ZNF606: variants seen among roughly 807,000 people sequenced by gnomAD.
The protein encoded by ZNF606 is zinc finger protein 606.
Under a neutral mutation model 74.9 loss-of-function variants are expected in ZNF606, and 37 were observed. The observed-to-expected ratio is 0.49, with a 90% CI of 0.38 to 0.65. ZNF606 has a LOEUF of 0.65. Among genes scored for constraint, ZNF606 ranks in the 30% least tolerant of loss-of-function variants. ZNF606 has a pLI of 0.00. For missense variants in ZNF606, 852 were observed against 952.9 expected (o/e 0.89, Z 1.39); for synonymous variants, 328 against 312.4 (o/e 1.05, Z -0.53).
chr19:58,000,726 G>T lies in ZNF606; in HGVS notation c.45C>A (p.Asp15Glu), dbSNP rs1338688167. ...NPWASWGALT[D>E]QSWGMTAVDP... ...CAACAGCTGTCATCCCCCAAGATTGGTCCGTAAGGGCACCTGCACAGAAGG... is the reference window on the plus strand; with the variant it reads ...CAACAGCTGTCATCCCCCAAGATTGTTCCGTAAGGGCACCTGCACAGAAGG... The change falls in exon 3 of 7, where the codon GAC (aspartate) becomes GAA (glutamate). Residue 15 changes from aspartate to glutamate, a missense_variant. Asp to Glu is a conservative substitution (Grantham distance 45). This residue lies in a region of ZNF606 where 545 missense variants were observed against 542.5 expected (regional missense o/e 1.00). Coordinates refer to ENST00000551380, the MANE Select transcript of ZNF606 (RefSeq NM_001348022.3). 1 of 1,593,886 alleles carries T rather than the reference G, an allele frequency of 6.3e-7. No individual in the cohort carries two copies. Among genetic ancestry groups the T allele is most frequent in the Non-Finnish European group, 8.6e-7 (1 of 1,168,680 alleles).
chr19:57,982,845 C>T (rs1001076716), intron 6 of ZNF606, among the ~76,000 whole-genome samples: 9 of 152,056 alleles, frequency 5.9e-5, no homozygotes, highest in African/African-American at 2.2e-4. Flanking sequence ...CAGGGTCCCG[C>T]CATGTTGCCC....
chr19:57,981,198 G>A (rs919318985), intron 6 of ZNF606, among the ~76,000 whole-genome samples: 8 of 152,070 alleles, frequency 5.3e-5, no homozygotes, highest in African/African-American at 1.5e-4. Context: ...TAGAAATTTC[G>A]CACGTGTTGT....
At chr19:58,001,806 T>C (rs1568586745) in intron 1 of ZNF606, among the ~76,000 whole-genome samples, 1 of 152,208 alleles carries the variant, frequency 6.6e-6, no homozygotes, top group Non-Finnish European at 1.5e-5. Context: ...TGGGGATGAT[T>C]GCACAACTTT....
chr19:57,980,162 C>T lies in ZNF606; in HGVS notation c.518G>A (p.Arg173Lys), dbSNP rs766978266. 6.2e-7 allele frequency: 1 copy of T among 1,614,158 alleles called. No individual in the cohort carries two copies. Among genetic ancestry groups the T allele is most frequent in the South Asian group, 1.1e-5 (1 of 91,088 alleles). ...RYIWDDPWFS[R>K]LEVLGCKDQL... ...GTCTTTACATCCCAAAACTTCTAACCTGGAGAACCAAGGATCATCCCATAT... is the reference window on the plus strand; with the variant it reads ...GTCTTTACATCCCAAAACTTCTAACTTGGAGAACCAAGGATCATCCCATAT... The change falls in exon 7 of 7, where the codon AGG (arginine) becomes AAG (lysine). Residue 173 changes from arginine to lysine, a missense_variant. Arg to Lys is a conservative substitution (Grantham distance 26, BLOSUM62 2). Coordinates refer to ENST00000551380, the MANE Select transcript of ZNF606 (RefSeq NM_001348022.3).
At chr19:57,980,303 A>G (rs376825765) in intron 6 of ZNF606, 24 bp from the exon 7 acceptor site, 16 of 1,575,486 alleles carry the variant, frequency 1.0e-5, no homozygotes, top group Non-Finnish European at 1.4e-5. Context: ...AAAAAAAGCT[A>G]TGAGAGCATA....
At chr19:58,002,224 G>C (rs1331039134) in intron 1 of ZNF606, 172 bp downstream of exon 1, 1 of 456,706 alleles carries the variant, frequency 2.2e-6, no homozygotes, top group African/African-American at 2.0e-5. Flanking sequence ...CCTTCACAGT[G>C]CTTTGTGTGA....
In ZNF606 at chr19:58,001,330, G is replaced by A. The variant is rs1189652576; in HGVS notation, c.-11C>T. On this transcript the variant is annotated 5_prime_UTR_variant, in exon 2 of 7. Transcript: ENST00000551380. The stretch of plus-strand genomic sequence containing the variant: ...GTTGATGGCTGCCATCCCGAGGACT[G>A]ATTGACCAGGCACCTGCCCAGGAAC... 1 of 1,614,144 alleles carries A rather than the reference G, an allele frequency of 6.2e-7. No individual in the cohort carries two copies. The highest frequency in any genetic ancestry group is 1.1e-5 in the South Asian group (1 of 91,078).
At chr19:58,000,859 G>A (rs10406352) in intron 2 of ZNF606, 120 bp from the exon 3 acceptor site, 126,451 of 928,550 alleles carry the variant, frequency 0.14, 9,239 homozygotes, top group African/African-American at 0.18. Flanking sequence ...GAGCCCAAGG[G>A]TGTGTAAAAA....
intron 6 of ZNF606, among the ~76,000 whole-genome samples, chr19:57,985,245 T>A (rs1237209382): frequency 6.6e-6 from 1 of 152,192 alleles, no homozygotes; most frequent in East Asian, 1.9e-4. Context: ...CCCGGTCCCA[T>A]CTCTGGCTCA....
chr19:57,978,259 A>G lies in ZNF606; in HGVS notation c.*42T>C, dbSNP rs1425443924. On this transcript the variant is annotated 3_prime_UTR_variant, in exon 7 of 7. Transcript: ENST00000551380. The surrounding 1 kb of genome is among the most constrained non-coding windows in gnomAD (Gnocchi z 4.4). The stretch of plus-strand genomic sequence containing the variant: ...GATTATGTTTATAGGGTTTTCCTCA[A>G]TGTGTTGTCAAATGTACAAGAAACG... 2 of 1,513,210 alleles carry G rather than the reference A, an allele frequency of 1.3e-6. No homozygotes were observed. 93.7% of individuals were successfully genotyped at this position (1,513,210 alleles called of 1,614,324 possible). A position where few individuals can be genotyped will look rare whatever the true frequency, so the allele number is the denominator to read the frequency against.
rs1333146275 is a variant in ZNF606 at position 57,988,433 on chromosome 19, C to T, written c.305-131G>A. On this transcript the variant is annotated intron_variant, in intron 5 of 6. Coordinates refer to ENST00000551380, the MANE Select transcript of ZNF606 (RefSeq NM_001348022.3). Reference sequence around the variant, plus strand: ...TATGCAAGGTCCTTCCCACTCCATGCTCTTTAAGCATTAGGAGTTTCATCC... The same window carrying T: ...TATGCAAGGTCCTTCCCACTCCATGTTCTTTAAGCATTAGGAGTTTCATCC... 20 of 1,372,618 alleles carry T rather than the reference C, an allele frequency of 1.5e-5. No homozygotes were observed. The Middle Eastern group carries it at 7.8e-4, about 53-fold the overall frequency. 85.0% of individuals were successfully genotyped at this position (1,372,618 alleles called of 1,614,324 possible).
rs369393362 is a variant in ZNF606 at position 57,978,555 on chromosome 19, T to G, written c.2125A>C (p.Arg709=). 8.7e-6 allele frequency: 14 copies of G among 1,614,176 alleles called. No homozygotes were observed. The African/African-American group carries it at 1.7e-4, about 20-fold the overall frequency. The change falls in exon 7 of 7, where the codon AGG becomes CGG. Residue 709 remains arginine (R), a synonymous_variant. Transcript: ENST00000551380. The surrounding 1 kb of genome is among the most constrained non-coding windows in gnomAD (Gnocchi z 4.4). ...RRTHTGEKPY[R]CNECGKAFNE... ...AATGCTTTCCCACATTCATTACACCTGTATGGTTTCTCTCCAGTATGAGTT... is the reference window on the plus strand; with the variant it reads ...AATGCTTTCCCACATTCATTACACCGGTATGGTTTCTCTCCAGTATGAGTT...
At chr19:57,989,281 A>T (rs977492692) in intron 4 of ZNF606, among the ~76,000 whole-genome samples, 12 of 152,068 alleles carry the variant, frequency 7.9e-5, no homozygotes, top group African/African-American at 2.7e-4. Context: ...GGCCAAGGAG[A>T]ATCGGTTACA....
At chr19:58,002,341 TTCC>T (rs1355977584) in intron 1 of ZNF606, 52 bp downstream of exon 1, 17 of 456,526 alleles carry the variant, frequency 3.7e-5, no homozygotes, top group Admixed American at 7.0e-5. Context: ...CGACCCAAAT[TTCC>T]TCCTCAAGAC....
At chr19:57,980,834 CA>C (rs55983296) in intron 6 of ZNF606, among the ~76,000 whole-genome samples, 50,418 of 103,418 alleles carry the variant, frequency 0.49, 10,566 homozygotes, top group South Asian at 0.63. Flanking sequence ...TACACCGTCT[CA>C]AAAAAAAAAA....
chr19:57,978,239 T>C lies in ZNF606; in HGVS notation c.*62A>G, dbSNP rs1380547475. 4.1e-6 allele frequency: 6 copies of C among 1,463,984 alleles called. No individual in the cohort carries two copies. In the African/African-American group the frequency reaches 5.7e-5, roughly 14 times the overall value. 90.7% of individuals were successfully genotyped at this position (1,463,984 alleles called of 1,614,324 possible). On this transcript the variant is annotated 3_prime_UTR_variant, in exon 7 of 7. Transcript: ENST00000551380. This position sits in a 1 kb window ranked among gnomAD's most constrained non-coding sequence, Gnocchi z 4.4. ...AATGAAAAATGTCCCCTCTTGATTA[T>C]GTTTATAGGGTTTTCCTCAATGTGT...
Position 58,002,528 on chromosome 19 carries a change from G to A in ZNF606, c.-184C>T, listed in dbSNP as rs529045494. 108 of 429,148 alleles carry A rather than the reference G, an allele frequency of 2.5e-4. No homozygotes were observed. The highest frequency in any genetic ancestry group is 2.1e-3 in the African/African-American group (105 of 49,186). The allele number at this position is 429,148 out of a possible 1,614,324, so 26.6% of individuals were successfully genotyped here. ...GCTTGGGAGCTCCCGGCGCGGCCTC[G>A]GGGACAAAGGCCCGCGGAGCCGACG... On this transcript the variant is annotated 5_prime_UTR_variant, in exon 1 of 7. Coordinates refer to ENST00000551380, the MANE Select transcript of ZNF606 (RefSeq NM_001348022.3).
chr19:57,993,146 C>A (rs903976831), intron 4 of ZNF606, among the ~76,000 whole-genome samples: 1 of 152,120 alleles, frequency 6.6e-6, no homozygotes, highest in Non-Finnish European at 1.5e-5. Flanking sequence ...CCCCTTGAGC[C>A]TCCAGAAGAA....
At chr19:57,999,587 G>A (rs1350718087) in intron 4 of ZNF606, 2 of 526,546 alleles carry the variant, frequency 3.8e-6, no homozygotes, top group East Asian at 3.0e-5. Context: ...ACAAGCCAGG[G>A]AGAGTTGGAG....
Sources: gnomAD v4.1 joint callset for allele counts (sites outside exome capture counted in the v4.1 genomes callset) on GRCh38, gnomAD v4.1.1 for gene constraint, gnomAD v4.1.1 regional missense constraint, Gnocchi (gnomAD v3.1) non-coding constraint, MANE v1.5 for transcripts, NCBI Gene and HGNC (gene_info 2026-07-23, HGNC 2026-07-21) for gene names.